STAT4: variants seen among roughly 807,000 people sequenced by gnomAD.
STAT4 encodes the protein signal transducer and activator of transcription 4.
Under a neutral mutation model 110.5 loss-of-function variants are expected in STAT4, and 42 were observed. That is an observed-to-expected ratio of 0.38 (90% confidence interval 0.30 to 0.49). The LOEUF (loss-of-function observed/expected upper bound fraction) is 0.49, where lower values mean the gene tolerates loss of function less well. Ranked by LOEUF, STAT4 falls within the 20% of genes least tolerant of loss-of-function variation. The probability of loss-of-function intolerance (pLI) is 0.95; values close to 1 mark genes in which losing one functional copy is unlikely to be tolerated. For synonymous variants in STAT4, 284 were observed against 302.2 expected, an observed-to-expected ratio of 0.94 and a Z score of 0.63; for missense variants, 632 against 887.9, an observed-to-expected ratio of 0.71 and a Z score of 3.66.
chr2:191,088,543 A>G (rs1257937429), intron 3 of STAT4, among the ~76,000 whole-genome samples: 1 of 152,214 alleles, frequency 6.6e-6, no homozygotes, highest in East Asian at 1.9e-4. Context: ...ACAGATTCCA[A>G]TCAAAATACT....
Position 191,086,611 on chromosome 2 carries a change from G to A in STAT4, c.274-10286C>T, listed in dbSNP as rs1697642920. ...GAAAGAGAAAAATTATGTTCCAAAAGAAACTGTAGTATACTTGTTATCAGA... is the reference window on the plus strand; with the variant it reads ...GAAAGAGAAAAATTATGTTCCAAAAAAAACTGTAGTATACTTGTTATCAGA... On this transcript the variant is annotated intron_variant, in intron 3 of 23. Coordinates refer to ENST00000392320, the MANE Select transcript of STAT4 (RefSeq NM_003151.4). The surrounding 1 kb of genome is among the most constrained non-coding windows in gnomAD (Gnocchi z 5.5). Among the ~76,000 whole-genome samples, 1 of 152,116 alleles carries A rather than the reference G, an allele frequency of 6.6e-6. No individual in the cohort carries two copies. The highest frequency in any genetic ancestry group is 6.5e-5 in the Admixed American group (1 of 15,278).
rs1696796264 is a variant in STAT4 at position 191,059,631 on chromosome 2, ATAAAAGGAGGGAGTC to A, written c.1035-877_1035-863del. Among the ~76,000 whole-genome samples the A allele has an allele frequency of 6.6e-6, 1 of 152,258 alleles. No homozygotes were observed. Among genetic ancestry groups the A allele is most frequent in the Non-Finnish European group, 1.5e-5 (1 of 68,046 alleles). On this transcript the variant is annotated intron_variant, in intron 10 of 23. Transcript: ENST00000392320. This position sits in a 1 kb window ranked among gnomAD's most constrained non-coding sequence, Gnocchi z 4.7. ...GGGAGAAACGTGGACGTGGCTCTAC[ATAAAAGGAGGGAGTC>A]CAGGCACACAAATGGAAAACAGAGA...
intron 5 of STAT4, among the ~76,000 whole-genome samples, chr2:191,071,955 A>C (rs1223811754): frequency 6.6e-6 from 1 of 152,166 alleles, no homozygotes; most frequent in African/African-American, 2.4e-5. Flanking sequence ...GGTTAACCCC[A>C]ACTTGAGGCA....
rs1051415594 is a variant in STAT4, at chr2:191,138,407, C to T, written c.273+8206G>A. ...AGAAGATCCAAATAAGATTTCATTT[C>T]GCATCGAGAAATGAAACTACAGCCA... On this transcript the variant is annotated intron_variant, in intron 3 of 23. Coordinates refer to ENST00000392320, the MANE Select transcript of STAT4 (RefSeq NM_003151.4). This position sits in a 1 kb window ranked among gnomAD's most constrained non-coding sequence, Gnocchi z 4.3. Among the ~76,000 whole-genome samples, 6 of 151,934 alleles carry T rather than the reference C, an allele frequency of 3.9e-5. No individual in the cohort carries two copies. Among genetic ancestry groups the T allele is most frequent in the African/African-American group, 9.7e-5 (4 of 41,384 alleles).
intron 17 of STAT4, 148 bp from the exon 18 acceptor site, chr2:191,034,745 C>T (rs1574694353): frequency 3.3e-6 from 2 of 599,378 alleles, no homozygotes; most frequent in East Asian, 2.9e-5. Context: ...AGGTACAGTA[C>T]AAATACAAGA....
intron 3 of STAT4, among the ~76,000 whole-genome samples, chr2:191,094,116 G>C (rs1356125991): frequency 1.3e-5 from 2 of 152,194 alleles, no homozygotes; most frequent in African/African-American, 4.8e-5. Context: ...CATTTGATTG[G>C]TGTGCCTGAA....
intron 3 of STAT4, among the ~76,000 whole-genome samples, chr2:191,079,498 T>C (rs1035162990): frequency 6.6e-6 from 1 of 152,074 alleles, no homozygotes; most frequent in Non-Finnish European, 1.5e-5. Flanking sequence ...AATTTTTGTA[T>C]ATTGATTTTG....
At chr2:191,114,192 A>G (rs918058869) in intron 3 of STAT4, among the ~76,000 whole-genome samples, 1 of 152,228 alleles carries the variant, frequency 6.6e-6, no homozygotes, top group Admixed American at 6.5e-5. Context: ...TCAATACTCA[A>G]CTGCTAAAAT....
In STAT4 at chr2:191,146,058, T is replaced by C. The variant is rs116830381; in HGVS notation, c.273+555A>G. On this transcript the variant is annotated intron_variant, in intron 3 of 23. Transcript: ENST00000392320. This position sits in a 1 kb window ranked among gnomAD's most constrained non-coding sequence, Gnocchi z 4.5. ...ATGATAGGGAGAGAAGTCAAACACA[T>C]AGAAATAGCAATAATGTCGAATATA... Among the ~76,000 whole-genome samples the C allele has an allele frequency of 7.4e-4, 113 of 152,190 alleles. 2 individuals carry two copies. The highest frequency in any genetic ancestry group is 2.6e-3 in the African/African-American group (108 of 41,510).
At chr2:191,151,430 CAA>C (rs1699588409), upstream of STAT4, 1 of 985,482 alleles carries the variant, frequency 1.0e-6, no homozygotes, top group African/African-American at 1.7e-5. This position sits in a 1 kb window ranked among gnomAD's most constrained non-coding sequence, Gnocchi z 4.7. Context: ...TAGCCAGGAT[CAA>C]AACACCAAAC....
rs1183133093 is a variant in STAT4 at position 191,147,535 on chromosome 2, A to G, written c.128+541T>C. 6.6e-6 allele frequency among the ~76,000 whole-genome samples: 1 copy of G among 152,182 alleles called. No homozygotes were observed. Among genetic ancestry groups the G allele is most frequent in the Non-Finnish European group, 1.5e-5 (1 of 68,012 alleles). On this transcript the variant is annotated intron_variant, in intron 2 of 23. Coordinates refer to ENST00000392320, the MANE Select transcript of STAT4 (RefSeq NM_003151.4). This position sits in a 1 kb window ranked among gnomAD's most constrained non-coding sequence, Gnocchi z 4.1. ...AGGACTAGGGAGTTACTGTTTAAAG[A>G]GTACAGAGTTTCAGTTTGGAAAGAT... is the stretch of plus-strand genomic sequence containing the variant.
At chr2:191,057,581 C>CTTTTTTTTTTTTTCTTTTTTTTTTT (rs1696733878) in intron 13 of STAT4, among the ~76,000 whole-genome samples, 11 of 121,316 alleles carry the variant, frequency 9.1e-5, no homozygotes, top group Non-Finnish European at 1.2e-4. Context: ...AATTTCTTTT[C>CTTTTTTTTTTTTTCTTTTTTTTTTT]TTTTTTTTTT....
chr2:191,096,712 G>A (rs1574151707), intron 3 of STAT4, among the ~76,000 whole-genome samples: 1 of 152,278 alleles, frequency 6.6e-6, no homozygotes, highest in Middle Eastern at 3.4e-3. Context: ...ACCAGCACGA[G>A]ACAAGAATGC....
chr2:191,123,475 C>A (rs2125396950), intron 3 of STAT4, among the ~76,000 whole-genome samples: 1 of 152,312 alleles, frequency 6.6e-6, no homozygotes, highest in South Asian at 2.1e-4. Context: ...CCAGCCTGAC[C>A]TTCTCTCACA....
chr2:191,102,143 A>G (rs551117251), intron 3 of STAT4, among the ~76,000 whole-genome samples: 83 of 152,162 alleles, frequency 5.5e-4, no homozygotes, highest in Non-Finnish European at 9.1e-4. Context: ...GCAATCAGAC[A>G]TTGGCGATGA....
chr2:191,094,195 C>T (rs1046878360), intron 3 of STAT4, among the ~76,000 whole-genome samples: 52 of 152,232 alleles, frequency 3.4e-4, no homozygotes, highest in African/African-American at 1.2e-3. Flanking sequence ...ACTTTCCCAA[C>T]CTAGGGAGGC....
At chr2:191,139,885 G>T (rs983199284) in intron 3 of STAT4, among the ~76,000 whole-genome samples, 2 of 152,262 alleles carry the variant, frequency 1.3e-5, no homozygotes, top group African/African-American at 4.8e-5. Context: ...AAAACAGCAT[G>T]GTACTGGCAT....
At chr2:191,089,868 T>C (rs1697743053) in intron 3 of STAT4, among the ~76,000 whole-genome samples, 1 of 152,108 alleles carries the variant, frequency 6.6e-6, no homozygotes, top group Middle Eastern at 3.4e-3. Context: ...ATGGAGACAA[T>C]AAAAAAGTCA....
At chr2:191,129,785 C>G (rs1169868900) in intron 3 of STAT4, among the ~76,000 whole-genome samples, 1 of 152,156 alleles carries the variant, frequency 6.6e-6, no homozygotes, top group Non-Finnish European at 1.5e-5. Context: ...CCACAAGTTT[C>G]TTTATGAGAC....
Sources: gnomAD v4.1 joint callset for allele counts (sites outside exome capture counted in the v4.1 genomes callset) on GRCh38, gnomAD v4.1.1 for gene constraint, Gnocchi (gnomAD v3.1) non-coding constraint, MANE v1.5 for transcripts, NCBI Gene and HGNC (gene_info 2026-07-23, HGNC 2026-07-21) for gene names.